PLXNA4: variants seen among roughly 807,000 people sequenced by gnomAD.
PLXNA4 encodes plexin A4.
A neutral mutation model predicts 191.8 loss-of-function variants in PLXNA4; 44 were observed. The observed-to-expected ratio is 0.23, with a 90% confidence interval of 0.18 to 0.29. The LOEUF is 0.29. Among genes scored for constraint, PLXNA4 ranks in the 10% least tolerant of loss-of-function variants. The probability of loss-of-function intolerance (pLI) is 1.00; values close to 1 mark genes in which losing one functional copy is unlikely to be tolerated. For missense variants in PLXNA4, 1,800 were observed against 2,488.8 expected, an observed-to-expected ratio of 0.72 and a Z score of 5.89; for synonymous variants, 1,082 against 1,009.5, an observed-to-expected ratio of 1.07 and a Z score of -1.36.
At chr7:132,199,670 C>T (rs1584832325) in intron 12 of PLXNA4, among the ~76,000 whole-genome samples, 1 of 152,262 alleles carries the variant, frequency 6.6e-6, no homozygotes, top group Admixed American at 6.5e-5. Context: ...TTCAGCATAT[C>T]CAACTCTCCT....
intron 3 of PLXNA4, among the ~76,000 whole-genome samples, chr7:132,433,158 A>T (rs1036029371): frequency 3.3e-5 from 5 of 152,212 alleles, no homozygotes; most frequent in Non-Finnish European, 5.9e-5. Context: ...AAATTCTATA[A>T]ATGTTCCTTT....
intron 3 of PLXNA4, among the ~76,000 whole-genome samples, chr7:132,368,169 G>A (rs546449673): frequency 1.7e-4 from 26 of 152,260 alleles, no homozygotes; most frequent in Middle Eastern, 3.4e-3. Context: ...AATGCTGGGC[G>A]TGATCAAAGG....
intron 2 of PLXNA4, among the ~76,000 whole-genome samples, chr7:132,582,563 T>C (rs2116814394): frequency 6.6e-6 from 1 of 152,290 alleles, no homozygotes; most frequent in Admixed American, 6.5e-5. Flanking sequence ...GGACCTGCCA[T>C]GTGTTGAGAA....
intron 3 of PLXNA4, among the ~76,000 whole-genome samples, chr7:132,473,406 G>A (rs1797003002): frequency 6.6e-6 from 1 of 152,172 alleles, no homozygotes; most frequent in African/African-American, 2.4e-5. Context: ...GAGGGCAGTG[G>A]CGGCAGGTCC....
chr7:132,555,363 C>T (rs140773136), intron 1 of PLXNA4, among the ~76,000 whole-genome samples: 97 of 152,274 alleles, frequency 6.4e-4, no homozygotes, highest in South Asian at 1.0e-3. Context: ...TATAGAACCT[C>T]AAGGCAGTAG....
At chr7:132,597,685 A>C (rs1802738938) in intron 2 of PLXNA4, among the ~76,000 whole-genome samples, 1 of 152,122 alleles carries the variant, frequency 6.6e-6, no homozygotes, top group Admixed American at 6.5e-5. Flanking sequence ...TGTTAAGGTT[A>C]ATGAGGGTCT....
intron 20 of PLXNA4, among the ~76,000 whole-genome samples, chr7:132,175,976 G>C (rs1796443723): frequency 6.6e-6 from 1 of 152,214 alleles, no homozygotes. Context: ...AGCCCAATGT[G>C]GCTCTAGAGC....
At chr7:132,542,292 G>A (rs1287973393) in intron 1 of PLXNA4, among the ~76,000 whole-genome samples, 1 of 152,198 alleles carries the variant, frequency 6.6e-6, no homozygotes, top group Admixed American at 6.5e-5. Context: ...CCAGTTGGAG[G>A]TAAAGACAGG....
intron 10 of PLXNA4, among the ~76,000 whole-genome samples, chr7:132,207,255 TC>T (rs1375776660): frequency 1.3e-5 from 2 of 152,166 alleles, no homozygotes; most frequent in African/African-American, 4.8e-5. Flanking sequence ...TCCTATTGCT[TC>T]CCTATCCCTG....
chr7:132,241,238 T>C (rs1798866511), intron 4 of PLXNA4, 72 bp from the exon 5 acceptor site: 1 of 1,016,586 alleles, frequency 9.8e-7, no homozygotes, highest in Non-Finnish European at 1.4e-6. Context: ...GAAGAGATGT[T>C]GCTCTAAATA....
chr7:132,573,925 C>T (rs570077059), intron 1 of PLXNA4, among the ~76,000 whole-genome samples: 3 of 152,122 alleles, frequency 2.0e-5, no homozygotes, highest in African/African-American at 4.8e-5. Flanking sequence ...AGAAAGACCT[C>T]AGAGAACTTA....
At chr7:132,386,459 C>T (rs901651360) in intron 3 of PLXNA4, among the ~76,000 whole-genome samples, 1 of 152,218 alleles carries the variant, frequency 6.6e-6, no homozygotes, top group Non-Finnish European at 1.5e-5. Flanking sequence ...AGGCAGGAAG[C>T]CTTCTCACTG....
At chr7:132,533,978 A>C (rs1316577662) in intron 1 of PLXNA4, among the ~76,000 whole-genome samples, 1 of 152,124 alleles carries the variant, frequency 6.6e-6, no homozygotes, top group Non-Finnish European at 1.5e-5. Context: ...TCACCAGGCA[A>C]CAAAGGCAAT....
intron 4 of PLXNA4, among the ~76,000 whole-genome samples, chr7:132,296,079 C>T (rs1260707747): frequency 1.3e-5 from 2 of 152,144 alleles, no homozygotes; most frequent in African/African-American, 4.8e-5. Context: ...TCCACAAGCC[C>T]AGTGGAGACC....
intron 3 of PLXNA4, among the ~76,000 whole-genome samples, chr7:132,366,527 T>TA (rs964772420): frequency 5.1e-4 from 76 of 148,022 alleles, no homozygotes; most frequent in African/African-American, 9.6e-4. Context: ...CTGTCTCAAT[T>TA]AAAAAAAAAA....
intron 19 of PLXNA4, 54 bp downstream of exon 19, chr7:132,180,532 A>T: frequency 6.2e-7 from 1 of 1,604,154 alleles, no homozygotes; most frequent in Non-Finnish European, 8.5e-7. Flanking sequence ...GCCTGAGCTC[A>T]CATCTGCATC....
At chr7:132,170,950 C>T (rs746826442) in intron 21 of PLXNA4, among the ~76,000 whole-genome samples, 7 of 152,210 alleles carry the variant, frequency 4.6e-5, no homozygotes, top group Non-Finnish European at 8.8e-5. Flanking sequence ...CTGGCAAACC[C>T]CTCACCTCCG....
Position 132,251,191 on chromosome 7 carries a change from A to G in PLXNA4, c.1504-10025T>C, listed in dbSNP as rs1029342555. On this transcript the variant is annotated intron_variant, in intron 4 of 31. Transcript: ENST00000321063. ...AGTTCTTCATCAGCTGTACTCCTAGAATTAAACACACATCACACACATACA... is the reference window on the plus strand; with the variant it reads ...AGTTCTTCATCAGCTGTACTCCTAGGATTAAACACACATCACACACATACA... 6.6e-5 allele frequency among the ~76,000 whole-genome samples: 10 copies of G among 152,222 alleles called. No individual in the cohort carries two copies. In the East Asian group the frequency reaches 1.9e-3, roughly 29 times the overall value.
chr7:132,563,348 TTTCTCCTCCTTCTCCTCC>T (rs1776051972), intron 1 of PLXNA4, among the ~76,000 whole-genome samples: 1 of 21,652 alleles, frequency 4.6e-5, no homozygotes, highest in African/African-American at 1.9e-4. Context: ...TCTCCTCCTC[TTTCTCCTCCTTCTCCTCC>T]TCCTCCTCCT....
Sources: allele counts gnomAD v4.1 joint callset (sites outside exome capture counted in the v4.1 genomes callset), GRCh38; gene constraint gnomAD v4.1.1; transcripts MANE v1.5; gene names NCBI Gene and HGNC (gene_info 2026-07-23, HGNC 2026-07-21).